The following NEK4 variants were observed in gnomAD, a reference collection of about 807,000 sequenced individuals.
NEK4 encodes NIMA related kinase 4.
A neutral mutation model predicts 98.4 loss-of-function variants in NEK4; 86 were observed. The ratio of observed to expected loss-of-function variants is 0.87; its 90% CI spans 0.73 to 1.05. NEK4 has a LOEUF of 1.05. Ranked by LOEUF, NEK4 falls within the 50% of genes least tolerant of loss-of-function variation. NEK4 has a pLI of 0.00. For missense variants in NEK4, 898 were observed against 950.3 expected (o/e 0.94, Z 0.72); for synonymous variants, 328 against 342.2 (o/e 0.96, Z 0.46).
chr3:52,735,437 T>A (rs2097374578), intron 15 of NEK4, among the ~76,000 whole-genome samples: 1 of 152,244 alleles, frequency 6.6e-6, no homozygotes, highest in African/African-American at 2.4e-5. Flanking sequence ...AGGGTTATTA[T>A]TTATGTCAGA....
Position 52,770,823 on chromosome 3 carries a change from T to A in NEK4, c.-77A>T. 1 of 1,322,908 alleles carries A rather than the reference T, an allele frequency of 7.6e-7. No individual in the cohort carries two copies. Among genetic ancestry groups the A allele is most frequent in the South Asian group, 1.3e-5 (1 of 79,832 alleles). 81.9% of individuals were successfully genotyped at this position (1,322,908 alleles called of 1,614,324 possible). A position where few individuals can be genotyped will look rare whatever the true frequency, so the allele number is the denominator to read the frequency against. On this transcript the variant is annotated 5_prime_UTR_variant, in exon 1 of 16. The change abolishes the stop of an existing upstream ORF in the 5' untranslated region. Coordinates refer to ENST00000233027, the MANE Select transcript of NEK4 (RefSeq NM_003157.6). ...AGCGGGCGGCAACAAGAAGCTCGGT[T>A]CATGCCCGAGAGGGGGCAGTGGGGG...
intron 6 of NEK4, among the ~76,000 whole-genome samples, chr3:52,757,156 T>C (rs1191236608): frequency 6.6e-6 from 1 of 152,228 alleles, no homozygotes; most frequent in African/African-American, 2.4e-5. Flanking sequence ...CTGATAGGAA[T>C]GTAAAATGAT....
At position 52,712,809 on chromosome 3, in the gene NEK4, G is replaced by A. The variant is rs558776901; in HGVS notation, c.2434-940C>T. On this transcript the variant is annotated intron_variant, in intron 15 of 15. Coordinates refer to ENST00000233027, the MANE Select transcript of NEK4 (RefSeq NM_003157.6). The stretch of plus-strand genomic sequence containing the variant: ...GCTTTTCCGCTGGCATGCTCCCCTC[G>A]ATGTCCTCTCAATGTCCAGCTGCTT... Among the ~76,000 whole-genome samples the A allele has an allele frequency of 1.4e-4, 22 of 152,248 alleles. 1 individual carries two copies. Among genetic ancestry groups the A allele is most frequent in the Admixed American group, 3.9e-4 (6 of 15,276 alleles).
intron 15 of NEK4, chr3:52,733,475 G>T: frequency 2.4e-6 from 1 of 423,090 alleles, no homozygotes; most frequent in East Asian, 6.0e-5. Flanking sequence ...AAGAACTTCA[G>T]GCACAAATTT....
intron 3 of NEK4, 84 bp downstream of exon 3, chr3:52,766,094 A>G: frequency 6.8e-7 from 1 of 1,460,794 alleles, no homozygotes. Context: ...CAATTCATAG[A>G]TAATTCTCTG....
chr3:52,733,694 G>T, intron 15 of NEK4: 1 of 445,944 alleles, frequency 2.2e-6, no homozygotes. Flanking sequence ...CAAATATAGT[G>T]AATGCGGCAA....
At chr3:52,753,804 A>G in intron 6 of NEK4, 1 of 485,022 alleles carries the variant, frequency 2.1e-6, no homozygotes, top group South Asian at 1.6e-5. Flanking sequence ...TTAGGTGTCT[A>G]TGTGCAGCCA....
intron 15 of NEK4, among the ~76,000 whole-genome samples, chr3:52,727,900 A>G (rs1395414640): frequency 6.6e-6 from 1 of 152,224 alleles, no homozygotes; most frequent in African/African-American, 2.4e-5. Context: ...AAGCAGTGCT[A>G]AGGGGGGAAT....
At chr3:52,755,252 G>A (rs1451791774) in intron 6 of NEK4, among the ~76,000 whole-genome samples, 1 of 152,072 alleles carries the variant, frequency 6.6e-6, no homozygotes, top group African/African-American at 2.4e-5. Context: ...ACCAGGGCCT[G>A]ACGATACGGG....
chr3:52,765,099 C>T (rs1382482349), intron 4 of NEK4, among the ~76,000 whole-genome samples: 4 of 151,956 alleles, frequency 2.6e-5, no homozygotes, highest in Admixed American at 1.3e-4. Flanking sequence ...ACCTGTAATC[C>T]CAGCATTTTG....
At chr3:52,744,378 T>C in intron 10 of NEK4, 73 bp from the exon 11 acceptor site, 1 of 1,137,940 alleles carries the variant, frequency 8.8e-7, no homozygotes, top group Non-Finnish European at 1.3e-6. Flanking sequence ...CCATGATGTA[T>C]CATTCAGCAT....
In NEK4 at chr3:52,766,335, G is replaced by A; in HGVS notation, c.401C>T (p.Thr134Ile). 1 of 1,613,976 alleles carries A rather than the reference G, an allele frequency of 6.2e-7. No individual in the cohort carries two copies. Among genetic ancestry groups the A allele is most frequent in the Non-Finnish European group, 8.5e-7 (1 of 1,179,902 alleles). Reference sequence around the variant, plus strand: ...TGTTCTTGTTAGGAAGACATTTTGAGTTTTCAGATCTCGATGAAGGATGTG... The same window carrying A: ...TGTTCTTGTTAGGAAGACATTTTGAATTTTCAGATCTCGATGAAGGATGTG... ...EKHILHRDLK[T>I]QNVFLTRTNI... Residue 134 changes from threonine (T) to isoleucine (I), a missense_variant, in exon 3 of 16, where the codon ACT (threonine) becomes ATT (isoleucine). Thr to Ile is a moderately conservative substitution (Grantham distance 89). Transcript: ENST00000233027.
At chr3:52,741,037 A>G (rs2097384971) in intron 13 of NEK4, among the ~76,000 whole-genome samples, 1 of 151,798 alleles carries the variant, frequency 6.6e-6, no homozygotes, top group South Asian at 2.1e-4. Context: ...GATCGAGACC[A>G]TCCTGGCTAA....
At chr3:52,725,676 T>C (rs983641552) in intron 15 of NEK4, among the ~76,000 whole-genome samples, 6 of 152,122 alleles carry the variant, frequency 3.9e-5, no homozygotes, top group Admixed American at 2.6e-4. Flanking sequence ...ATTATAATTT[T>C]AGGACATTAA....
intron 6 of NEK4, 127 bp from the exon 7 acceptor site, chr3:52,752,463 C>G: frequency 2.4e-6 from 2 of 823,656 alleles, no homozygotes; most frequent in Non-Finnish European, 3.8e-6. Flanking sequence ...AGCAATTCCA[C>G]TCCTAAGTAT....
chr3:52,752,061 G>A lies in NEK4; in HGVS notation c.1239C>T (p.Asp413=). ...CAGGCTGGGCACTGGATTTAGTGTT[G>A]TCCTGCAGCATCTCCTCTTCCACTT... ...ISQVEEEMLQ[D]NTKSSAQPEN... The change falls in exon 7 of 16, where the codon GAC becomes GAT. Residue 413 remains aspartate (D), a synonymous_variant. Transcript: ENST00000233027. 1 of 1,614,202 alleles carries A rather than the reference G, an allele frequency of 6.2e-7. No homozygotes were observed. The highest frequency in any genetic ancestry group is 1.7e-5 in the Admixed American group (1 of 60,018).
chr3:52,750,008 T>C (rs1561317608), intron 7 of NEK4, among the ~76,000 whole-genome samples, 179 bp from the exon 8 acceptor site: 1 of 152,182 alleles, frequency 6.6e-6, no homozygotes, highest in Non-Finnish European at 1.5e-5. Context: ...AGAAATAAAA[T>C]TATATGGTTG....
intron 1 of NEK4, among the ~76,000 whole-genome samples, chr3:52,770,221 T>C (rs1026935548): frequency 6.6e-6 from 1 of 151,986 alleles, no homozygotes; most frequent in African/African-American, 2.4e-5. Context: ...TCCAGCAGTC[T>C]ACAGTAGAGA....
chr3:52,745,897 AT>A (rs1360639103), intron 10 of NEK4, among the ~76,000 whole-genome samples, 163 bp downstream of exon 10: 1 of 152,048 alleles, frequency 6.6e-6, no homozygotes, highest in Non-Finnish European at 1.5e-5. Flanking sequence ...TAATTTTTAA[AT>A]TTTTTGTAGA....
Sources: allele counts gnomAD v4.1 joint callset (sites outside exome capture counted in the v4.1 genomes callset), GRCh38; gene constraint gnomAD v4.1.1; transcripts MANE v1.5; gene names NCBI Gene and HGNC (gene_info 2026-07-23, HGNC 2026-07-21).